STXBP4: variants seen among roughly 807,000 people sequenced by gnomAD.
STXBP4 encodes the protein syntaxin-binding protein 4.
STXBP4 carries 55 observed loss-of-function variants against 76.1 expected under a neutral mutation model. The ratio of observed to expected loss-of-function variants is 0.72; its 90% CI spans 0.58 to 0.91. The LOEUF (loss-of-function observed/expected upper bound fraction) is 0.91, where lower values mean the gene tolerates loss of function less well. Among genes scored for constraint, STXBP4 ranks in the 40% least tolerant of loss-of-function variants. STXBP4 has a pLI of 0.00. For synonymous variants in STXBP4, 201 were observed against 220.2 expected (o/e 0.91, Z 0.77); for missense variants, 618 against 636.9 (o/e 0.97, Z 0.32).
At chr17:55,185,350 T>TCCTCCTC in the STXBP4 span, among the ~76,000 whole-genome samples, 6 of 105,446 alleles carry the variant, frequency 5.7e-5, no homozygotes, top group Non-Finnish European at 1.0e-4. Flanking sequence ...TCCTCCTCCT[T>TCCTCCTC]CTCCTCCTCC....
intron 8 of STXBP4, among the ~76,000 whole-genome samples, chr17:55,023,262 TGC>T: frequency 6.6e-6 from 1 of 152,274 alleles, no homozygotes. Flanking sequence ...AAGCCACTCC[TGC>T]CATGAATATA....
intron 4 of STXBP4, among the ~76,000 whole-genome samples, chr17:54,994,964 A>G (rs746220002): frequency 6.6e-6 from 1 of 151,700 alleles, no homozygotes; most frequent in African/African-American, 2.4e-5. Flanking sequence ...ATTTTTTTCT[A>G]CATATGCTCC....
chr17:55,039,999 C>T (rs934208689), intron 10 of STXBP4, among the ~76,000 whole-genome samples: 1 of 152,030 alleles, frequency 6.6e-6, no homozygotes, highest in Non-Finnish European at 1.5e-5. Context: ...CTCACTCAAA[C>T]TTGTAGGGAA....
the STXBP4 span, among the ~76,000 whole-genome samples, chr17:55,179,864 G>A: frequency 6.6e-6 from 1 of 152,160 alleles, no homozygotes; most frequent in African/African-American, 2.4e-5. Context: ...AAAGTTATAT[G>A]TGGATTTCTG....
chr17:55,209,422 C>T, the STXBP4 span, among the ~76,000 whole-genome samples: 1 of 152,136 alleles, frequency 6.6e-6, no homozygotes, highest in Non-Finnish European at 1.5e-5. Flanking sequence ...AAACCTGTCC[C>T]CTCAGCTGGG....
Position 55,168,285 on chromosome 17 carries a change from A to G in STXBP4, c.*8374A>G, listed in dbSNP as rs2080388364. 1 of 151,588 alleles carries G rather than the reference A, an allele frequency of 6.6e-6. No individual in the cohort carries two copies. Among genetic ancestry groups the G allele is most frequent in the South Asian group, 2.1e-4 (1 of 4,806 alleles). 9.4% of individuals were successfully genotyped at this position (151,588 alleles called of 1,614,324 possible). ...ACACACACGTATTGGAGGAATAAGA[A>G]ATATTTAATAAAATCTACACAATTT... On this transcript the variant is annotated 3_prime_UTR_variant, in exon 18 of 18. Coordinates refer to ENST00000376352, the MANE Select transcript of STXBP4 (RefSeq NM_178509.6).
chr17:54,973,074 A>G (rs2077422926), intron 1 of STXBP4, among the ~76,000 whole-genome samples: 1 of 152,222 alleles, frequency 6.6e-6, no homozygotes, highest in South Asian at 2.1e-4. Flanking sequence ...GGGTAGGAGG[A>G]AGGAGGAAAG....
chr17:54,981,471 A>C (rs1725549715), intron 1 of STXBP4, among the ~76,000 whole-genome samples: 2 of 152,140 alleles, frequency 1.3e-5, no homozygotes, highest in Admixed American at 1.3e-4. Context: ...TGTATCTCAA[A>C]ATGGTGGGGA....
At position 55,167,398 on chromosome 17, in the gene STXBP4, A is replaced by G. The variant is rs2080382144; in HGVS notation, c.*7487A>G. On this transcript the variant is annotated 3_prime_UTR_variant, in exon 18 of 18. Transcript: ENST00000376352. ...GCAGGGAAACAAAGATTGAATTAAG[A>G]AGGAAATGAGGTGGGGGTTTAAGTA... 1 of 152,222 alleles carries G rather than the reference A, an allele frequency of 6.6e-6. No homozygotes were observed. The highest frequency in any genetic ancestry group is 1.9e-4 in the East Asian group (1 of 5,204). 9.4% of individuals were successfully genotyped at this position (152,222 alleles called of 1,614,324 possible). A position where few individuals can be genotyped will look rare whatever the true frequency, so the allele number is the denominator to read the frequency against.
At chr17:55,068,648 G>A (rs996804121) in intron 12 of STXBP4, among the ~76,000 whole-genome samples, 1 of 152,086 alleles carries the variant, frequency 6.6e-6, no homozygotes, top group Non-Finnish European at 1.5e-5. Context: ...AGGTGATTAT[G>A]TATATTTTTT....
At chr17:55,208,433 C>T in the STXBP4 span, among the ~76,000 whole-genome samples, 1 of 152,026 alleles carries the variant, frequency 6.6e-6, no homozygotes, top group Admixed American at 6.6e-5. Context: ...CAGGACACTT[C>T]TGATAGTGAA....
chr17:54,975,805 T>C (rs1247546415), intron 1 of STXBP4, among the ~76,000 whole-genome samples: 3 of 152,190 alleles, frequency 2.0e-5, no homozygotes, highest in African/African-American at 7.2e-5. Context: ...TTTCTTTTCT[T>C]TAAACACCTC....
At chr17:55,073,147 T>C in intron 13 of STXBP4, 71 bp downstream of exon 13, 1 of 1,420,212 alleles carries the variant, frequency 7.0e-7, no homozygotes, top group Non-Finnish European at 9.8e-7. Context: ...GTTTTCATTT[T>C]CTTTTCATCT....
intron 8 of STXBP4, among the ~76,000 whole-genome samples, chr17:55,028,162 A>AT (rs1555570088): frequency 6.6e-6 from 1 of 152,052 alleles, no homozygotes; most frequent in Non-Finnish European, 1.5e-5. Flanking sequence ...ATATTTTATA[A>AT]TTTTTTAAAA....
chr17:55,146,916 G>A (rs762912302), intron 17 of STXBP4, among the ~76,000 whole-genome samples: 1 of 152,134 alleles, frequency 6.6e-6, no homozygotes, highest in Non-Finnish European at 1.5e-5. Context: ...AAGCTACAGT[G>A]TCTTTTATAA....
chr17:55,028,191 A>G (rs2078447599), intron 8 of STXBP4, among the ~76,000 whole-genome samples: 1 of 152,228 alleles, frequency 6.6e-6, no homozygotes, highest in African/African-American at 2.4e-5. Flanking sequence ...TAATTCTTAC[A>G]GCTGCTGAAG....
chr17:55,022,067 A>G (rs993638982), intron 8 of STXBP4, among the ~76,000 whole-genome samples: 1 of 150,958 alleles, frequency 6.6e-6, no homozygotes, highest in African/African-American at 2.4e-5. Flanking sequence ...AGCTGTGTTC[A>G]TTGACATGGA....
intron 16 of STXBP4, among the ~76,000 whole-genome samples, chr17:55,113,218 CA>C (rs953455740): frequency 5.7e-4 from 5 of 8,762 alleles, no homozygotes; most frequent in African/African-American, 1.9e-3. Flanking sequence ...GTGCTCTTAC[CA>C]CACACACACA....
At position 55,163,580 on chromosome 17, in the gene STXBP4, A is replaced by G. The variant is rs1340297283; in HGVS notation, c.*3669A>G. 1 of 152,166 alleles carries G rather than the reference A, an allele frequency of 6.6e-6. No individual in the cohort carries two copies. The highest frequency in any genetic ancestry group is 1.5e-5 in the Non-Finnish European group (1 of 68,026). The allele number at this position is 152,166 out of a possible 1,614,324, so 9.4% of individuals were successfully genotyped here. ...TTCTCAAACCAGTTCAACTCAGCAA[A>G]CACTTCCTGAGCACCTGCTACATGC... On this transcript the variant is annotated 3_prime_UTR_variant, in exon 18 of 18. Transcript: ENST00000376352.
Sources: gnomAD v4.1 joint callset for allele counts (sites outside exome capture counted in the v4.1 genomes callset) on GRCh38, gnomAD v4.1.1 for gene constraint, MANE v1.5 for transcripts, NCBI Gene and HGNC (gene_info 2026-07-23, HGNC 2026-07-21) for gene names.